SGCZ: variants seen among roughly 807,000 people sequenced by gnomAD.
The protein encoded by SGCZ is zeta-sarcoglycan.
A neutral mutation model predicts 41.3 loss-of-function variants in SGCZ; 40 were observed. That is an observed-to-expected ratio of 0.97 (90% CI 0.75 to 1.26). The LOEUF (loss-of-function observed/expected upper bound fraction) is 1.26, where lower values mean the gene tolerates loss of function less well. Among genes scored for constraint, SGCZ ranks in the 50% most tolerant of loss-of-function variants. SGCZ has a pLI of 0.00. For missense variants in SGCZ, 552 were observed against 369.8 expected, an observed-to-expected ratio of 1.49 and a Z score of -4.04; for synonymous variants, 206 against 137.5, an observed-to-expected ratio of 1.50 and a Z score of -3.49.
intron 4 of SGCZ, among the ~76,000 whole-genome samples, chr8:14,195,254 T>C (rs898755057): frequency 6.6e-6 from 1 of 151,860 alleles, no homozygotes; most frequent in African/African-American, 2.4e-5. Flanking sequence ...AAGACCCAAA[T>C]CAAGCTGCAG....
chr8:14,830,917 G>T (rs1164744102), intron 1 of SGCZ, among the ~76,000 whole-genome samples: 1 of 152,082 alleles, frequency 6.6e-6, no homozygotes, highest in African/African-American at 2.4e-5. Flanking sequence ...CTGGATCAAA[G>T]AAAAATCCAA....
At chr8:14,132,961 G>A (rs1366692253) in intron 5 of SGCZ, among the ~76,000 whole-genome samples, 10 of 152,060 alleles carry the variant, frequency 6.6e-5, no homozygotes. Flanking sequence ...CTTGTGCTCA[G>A]CTAGTGTTTT....
At chr8:14,864,817 T>C (rs2130688267) in intron 1 of SGCZ, among the ~76,000 whole-genome samples, 1 of 152,232 alleles carries the variant, frequency 6.6e-6, no homozygotes, top group East Asian at 1.9e-4. Flanking sequence ...GGTTCCTCCT[T>C]ATCCTCATCA....
intron 1 of SGCZ, among the ~76,000 whole-genome samples, chr8:15,044,769 T>G (rs946766941): frequency 2.0e-5 from 3 of 151,922 alleles, no homozygotes; most frequent in African/African-American, 4.8e-5. Context: ...TGGTGAGGGG[T>G]GGGTAGGGTT....
chr8:14,991,058 A>C (rs1452563860), intron 1 of SGCZ, among the ~76,000 whole-genome samples: 1 of 152,206 alleles, frequency 6.6e-6, no homozygotes, highest in Non-Finnish European at 1.5e-5. Context: ...ACTGATCATT[A>C]AAAATTTTCA....
intron 1 of SGCZ, among the ~76,000 whole-genome samples, chr8:15,202,901 G>T (rs531669051): frequency 4.7e-4 from 72 of 151,994 alleles, no homozygotes; most frequent in African/African-American, 1.5e-3. Flanking sequence ...ACCTGAGGTC[G>T]GGAGTTCAAG....
At chr8:14,912,067 T>C (rs1182943611) in intron 1 of SGCZ, among the ~76,000 whole-genome samples, 4 of 131,094 alleles carry the variant, frequency 3.1e-5, no homozygotes, top group Non-Finnish European at 6.1e-5. Context: ...ATCTATTTTA[T>C]TTACACCTAT....
At chr8:15,143,257 G>C (rs2198596) in intron 1 of SGCZ, among the ~76,000 whole-genome samples, 133,302 of 152,198 alleles carry the variant, frequency 0.88, 58,736 homozygotes, top group East Asian at 0.93. Flanking sequence ...TCCACCATGA[G>C]AGGAACCTTA....
intron 3 of SGCZ, among the ~76,000 whole-genome samples, chr8:14,242,337 T>C (rs1585269832): frequency 1.3e-5 from 2 of 152,166 alleles, no homozygotes; most frequent in East Asian, 3.9e-4. Flanking sequence ...ACTTTACATA[T>C]ATGAGATCAT....
intron 1 of SGCZ, among the ~76,000 whole-genome samples, chr8:14,700,030 T>C (rs1809085607): frequency 6.6e-6 from 1 of 152,070 alleles, no homozygotes; most frequent in Non-Finnish European, 1.5e-5. Flanking sequence ...GTTCAGCCAC[T>C]GTGGAAAACA....
chr8:14,923,164 G>C (rs1189274565), intron 1 of SGCZ, among the ~76,000 whole-genome samples: 2 of 152,164 alleles, frequency 1.3e-5, no homozygotes, highest in Non-Finnish European at 2.9e-5. Context: ...AAAAACTTCA[G>C]AGTACAGATT....
At chr8:15,184,394 T>G (rs1356076858) in intron 1 of SGCZ, among the ~76,000 whole-genome samples, 1 of 152,140 alleles carries the variant, frequency 6.6e-6, no homozygotes, top group African/African-American at 2.4e-5. Context: ...CATCTCTATA[T>G]CCCCAAAATA....
chr8:14,874,533 C>G (rs1401030154), intron 1 of SGCZ, among the ~76,000 whole-genome samples: 1 of 152,072 alleles, frequency 6.6e-6, no homozygotes, highest in Admixed American at 6.6e-5. Flanking sequence ...TTAAATTTAA[C>G]TTAATATGAT....
chr8:14,967,844 A>T lies in SGCZ; in HGVS notation c.39+269741T>A, dbSNP rs551390980. On this transcript the variant is annotated intron_variant, in intron 1 of 7. Transcript: ENST00000382080. ...TGATTAAAAATTACTCTCTGCCTAA[A>T]TCTGCATGTTCACAGTCAGATAACT... is the stretch of plus-strand genomic sequence containing the variant. Among the ~76,000 whole-genome samples the T allele has an allele frequency of 1.6e-3, 239 of 152,268 alleles. 4 individuals are homozygous for T. Among genetic ancestry groups the T allele is most frequent in the Admixed American group, 3.4e-3 (52 of 15,278 alleles).
rs113703442 is a variant in SGCZ at position 14,493,367 on chromosome 8, T to C, written c.234+61365A>G. ...TCCCACTATCATCCTTTCTTTTTTT[T>C]TTTTTTTTTTTTTTTTTTTTGATGG... On this transcript the variant is annotated intron_variant, in intron 2 of 7. Coordinates refer to ENST00000382080, the MANE Select transcript of SGCZ (RefSeq NM_139167.4). Among the ~76,000 whole-genome samples the C allele has an allele frequency of 7.3e-4, 78 of 106,480 alleles. 1 individual carries two copies. The highest frequency in any genetic ancestry group is 3.2e-3 in the African/African-American group (73 of 23,042). The allele number at this position is 106,480 out of a possible 152,430, so 69.9% of individuals were successfully genotyped here. A position where few individuals can be genotyped will look rare whatever the true frequency, so the allele number is the denominator to read the frequency against.
intron 1 of SGCZ, among the ~76,000 whole-genome samples, chr8:14,576,019 A>G (rs1804700446): frequency 6.6e-6 from 1 of 152,156 alleles, no homozygotes; most frequent in Admixed American, 6.5e-5. Context: ...AAATGAGAAA[A>G]CAAGCAATAC....
rs780624985 is a variant in SGCZ, at chr8:14,090,396, C to A, written c.*47G>T. On this transcript the variant is annotated 3_prime_UTR_variant, in exon 8 of 8. Transcript: ENST00000382080. ...AAACCGAGCAGAACTGTGAAGCAGA[C>A]GGACAGGAACAAAAGGCTATTCTGG... is the stretch of plus-strand genomic sequence containing the variant. 1 of 1,572,950 alleles carries A rather than the reference C, an allele frequency of 6.4e-7. No individual in the cohort carries two copies. Among genetic ancestry groups the A allele is most frequent in the Admixed American group, 1.8e-5 (1 of 56,194 alleles).
intron 1 of SGCZ, among the ~76,000 whole-genome samples, chr8:14,769,296 T>C (rs954824711): frequency 6.6e-6 from 1 of 152,200 alleles, no homozygotes; most frequent in Non-Finnish European, 1.5e-5. Context: ...GGGCTTATCA[T>C]GTGAAAAACC....
intron 1 of SGCZ, among the ~76,000 whole-genome samples, chr8:15,217,611 G>A (rs950105301): frequency 2.6e-5 from 4 of 152,156 alleles, no homozygotes; most frequent in African/African-American, 9.7e-5. Flanking sequence ...TAAAAACGTG[G>A]AAGGGACGAG....
Sources: gnomAD v4.1 joint callset for allele counts (sites outside exome capture counted in the v4.1 genomes callset) on GRCh38, gnomAD v4.1.1 for gene constraint, MANE v1.5 for transcripts, NCBI Gene and HGNC (gene_info 2026-07-23, HGNC 2026-07-21) for gene names.